Variants in PXDNL observed in about 807,000 individuals in gnomAD.
The protein encoded by PXDNL is peroxidasin like, also known as probable oxidoreductase PXDNL.
In PXDNL, 145 loss-of-function variants were observed where a neutral mutation model predicts 150.8. That is an observed-to-expected ratio of 0.96 (90% confidence interval 0.84 to 1.10). PXDNL has a LOEUF of 1.10. Among genes scored for constraint, PXDNL ranks in the 50% least tolerant of loss-of-function variants. PXDNL has a pLI of 0.00. For missense variants in PXDNL, 2,087 were observed against 1,873.9 expected (o/e 1.11, Z -2.10); for synonymous variants, 757 against 725.7 (o/e 1.04, Z -0.69).
At chr8:51,452,070 A>G (rs1388579356) in intron 10 of PXDNL, among the ~76,000 whole-genome samples, 2 of 152,232 alleles carry the variant, frequency 1.3e-5, no homozygotes, top group Non-Finnish European at 2.9e-5. Flanking sequence ...GCAGATGGGC[A>G]GATGGAAGCA....
chr8:51,635,836 GCTT>G (rs1381934375), intron 2 of PXDNL, among the ~76,000 whole-genome samples: 1 of 151,938 alleles, frequency 6.6e-6, no homozygotes, highest in Non-Finnish European at 1.5e-5. Context: ...AGGAAAGAAC[GCTT>G]CTTAACTCAC....
At chr8:51,768,054 G>C (rs1328415736) in intron 1 of PXDNL, among the ~76,000 whole-genome samples, 1 of 152,222 alleles carries the variant, frequency 6.6e-6, no homozygotes, top group East Asian at 1.9e-4. Context: ...TGGCTGTGAA[G>C]CTGTTGGTTT....
At chr8:51,469,855 CT>C (rs571950346) in intron 8 of PXDNL, among the ~76,000 whole-genome samples, 1 of 152,050 alleles carries the variant, frequency 6.6e-6, no homozygotes, top group South Asian at 2.1e-4. Flanking sequence ...ATAAACTCTT[CT>C]CTTTCATCTT....
chr8:51,475,502 G>T (rs1296388075), intron 6 of PXDNL, among the ~76,000 whole-genome samples: 10 of 152,170 alleles, frequency 6.6e-5, no homozygotes. Flanking sequence ...AGTAGCTCAT[G>T]CCTGTAATTC....
chr8:51,343,965 A>G (rs948740095), intron 20 of PXDNL, among the ~76,000 whole-genome samples: 6 of 152,124 alleles, frequency 3.9e-5, no homozygotes, highest in African/African-American at 1.4e-4. Flanking sequence ...AACACAAAAT[A>G]TATTTCATTT....
intron 1 of PXDNL, among the ~76,000 whole-genome samples, chr8:51,737,973 C>T (rs1817072898): frequency 1.3e-5 from 2 of 152,216 alleles, no homozygotes; most frequent in Non-Finnish European, 2.9e-5. Context: ...TCCAATCTCT[C>T]ATGTGCTCTG....
chr8:51,604,794 C>A (rs529287939), intron 2 of PXDNL, among the ~76,000 whole-genome samples: 1 of 152,252 alleles, frequency 6.6e-6, no homozygotes, highest in East Asian at 1.9e-4. Context: ...TATATACATC[C>A]AAACACACAT....
At chr8:51,422,334 T>C (rs971533875) in intron 14 of PXDNL, among the ~76,000 whole-genome samples, 5 of 152,000 alleles carry the variant, frequency 3.3e-5, no homozygotes, top group South Asian at 2.1e-4. Context: ...AGTGGAAAAA[T>C]TGTCTTCAAC....
chr8:51,350,959 T>C (rs1427349400), intron 19 of PXDNL, among the ~76,000 whole-genome samples: 3 of 152,170 alleles, frequency 2.0e-5, no homozygotes, highest in African/African-American at 7.2e-5. Context: ...AGGAACTGAG[T>C]ATATTAATAC....
At chr8:51,564,115 T>C (rs1287774712) in intron 3 of PXDNL, among the ~76,000 whole-genome samples, 2 of 151,958 alleles carry the variant, frequency 1.3e-5, no homozygotes, top group South Asian at 2.1e-4. Flanking sequence ...ACACTTGCTA[T>C]TCAGATTTTA....
At chr8:51,357,380 GT>G (rs1806542769) in intron 19 of PXDNL, among the ~76,000 whole-genome samples, 1 of 152,182 alleles carries the variant, frequency 6.6e-6, no homozygotes, top group Admixed American at 6.5e-5. Context: ...GGCAGTTCCT[GT>G]GCAAATCACA....
At chr8:51,779,792 A>G (rs796238464) in intron 1 of PXDNL, among the ~76,000 whole-genome samples, 4 of 152,346 alleles carry the variant, frequency 2.6e-5, no homozygotes, top group African/African-American at 9.6e-5. Context: ...TAGGTCAAAT[A>G]TAATCACACA....
intron 1 of PXDNL, among the ~76,000 whole-genome samples, chr8:51,785,505 C>A (rs1301868201): frequency 6.6e-6 from 1 of 152,214 alleles, no homozygotes; most frequent in Non-Finnish European, 1.5e-5. Context: ...GACATTTTCC[C>A]AACAGCATGT....
intron 3 of PXDNL, among the ~76,000 whole-genome samples, chr8:51,562,855 C>T (rs1812745369): frequency 6.6e-6 from 1 of 151,980 alleles, no homozygotes; most frequent in Non-Finnish European, 1.5e-5. Flanking sequence ...CTGAGCTCTT[C>T]AATGGGGTGG....
chr8:51,769,975 C>G (rs758195380), intron 1 of PXDNL, among the ~76,000 whole-genome samples: 1 of 152,168 alleles, frequency 6.6e-6, no homozygotes, highest in Non-Finnish European at 1.5e-5. Context: ...GCCAAAATCT[C>G]CACCCTCAGA....
chr8:51,329,854 C>A (rs143410056), intron 21 of PXDNL, among the ~76,000 whole-genome samples: 5 of 152,184 alleles, frequency 3.3e-5, no homozygotes, highest in Non-Finnish European at 5.9e-5. Context: ...GGAATTGGAT[C>A]CATGTTTATG....
intron 4 of PXDNL, among the ~76,000 whole-genome samples, chr8:51,541,465 G>A (rs1437850515): frequency 2.1e-5 from 3 of 142,622 alleles, no homozygotes; most frequent in Non-Finnish European, 4.5e-5. Context: ...CTAGCTGGTA[G>A]TAACACAAAG....
intron 3 of PXDNL, among the ~76,000 whole-genome samples, chr8:51,569,673 CTCA>C (rs756621780): frequency 4.6e-5 from 7 of 151,768 alleles, no homozygotes; most frequent in East Asian, 1.9e-4. Flanking sequence ...ATCATATTTA[CTCA>C]TCATATTTTT....
chr8:51,750,770 A>G (rs1364672600), intron 1 of PXDNL, among the ~76,000 whole-genome samples: 1 of 152,230 alleles, frequency 6.6e-6, no homozygotes, highest in East Asian at 1.9e-4. Flanking sequence ...TTCCTAGTTT[A>G]TAAATTGAAC....
Sources: allele counts gnomAD v4.1 joint callset (sites outside exome capture counted in the v4.1 genomes callset), GRCh38; gene constraint gnomAD v4.1.1; transcripts MANE v1.5; gene names NCBI Gene and HGNC (gene_info 2026-07-23, HGNC 2026-07-21).